PDE4D: variants seen among roughly 807,000 people sequenced by gnomAD.
PDE4D encodes the protein phosphodiesterase 4D.
PDE4D carries 24 observed loss-of-function variants against 87.4 expected under a neutral mutation model. The ratio of observed to expected loss-of-function variants is 0.27; its 90% CI spans 0.20 to 0.39. The LOEUF (loss-of-function observed/expected upper bound fraction) is 0.39. Among genes scored for constraint, PDE4D ranks in the 10% least tolerant of loss-of-function variants. PDE4D has a pLI of 1.00. For missense variants in PDE4D, 714 were observed against 1,041.0 expected, an observed-to-expected ratio of 0.69 and a Z score of 4.32; for synonymous variants, 384 against 383.2, an observed-to-expected ratio of 1.00 and a Z score of -0.02.
chr5:59,692,633 G>T (rs989686624), intron 1 of PDE4D, among the ~76,000 whole-genome samples: 1 of 152,094 alleles, frequency 6.6e-6, no homozygotes, highest in Admixed American at 6.6e-5. Flanking sequence ...ATGTTGTAGA[G>T]TATTGCTGAA....
intron 1 of PDE4D, among the ~76,000 whole-genome samples, chr5:59,701,398 G>A (rs1752542864): frequency 6.6e-6 from 1 of 152,102 alleles, no homozygotes; most frequent in African/African-American, 2.4e-5. Context: ...CCTGAGAAAA[G>A]GTTATTATTT....
chr5:59,162,703 C>T (rs1192652847), intron 5 of PDE4D, among the ~76,000 whole-genome samples: 1 of 150,170 alleles, frequency 6.7e-6, no homozygotes, highest in African/African-American at 2.5e-5. Context: ...AAAAATTAGC[C>T]AGGTATGGTG....
intron 1 of PDE4D, among the ~76,000 whole-genome samples, chr5:60,384,478 A>G (rs1448774133): frequency 6.6e-6 from 1 of 152,102 alleles, no homozygotes; most frequent in East Asian, 1.9e-4. Flanking sequence ...TCCAAATCCA[A>G]TGGGAGCCTG....
intron 2 of PDE4D, among the ~76,000 whole-genome samples, chr5:60,048,365 A>G (rs1351618771): frequency 2.0e-5 from 3 of 151,928 alleles, no homozygotes; most frequent in East Asian, 1.9e-4. Context: ...GTCCATTTAC[A>G]TTTAAAGTTA....
At chr5:60,104,275 G>T (rs1776587698) in intron 2 of PDE4D, among the ~76,000 whole-genome samples, 1 of 152,234 alleles carries the variant, frequency 6.6e-6, no homozygotes, top group Non-Finnish European at 1.5e-5. Flanking sequence ...AGCAGTCTGA[G>T]ATCAAACTGC....
chr5:60,177,447 A>G (rs1426750915), intron 2 of PDE4D, among the ~76,000 whole-genome samples: 2 of 152,202 alleles, frequency 1.3e-5, no homozygotes, highest in African/African-American at 2.4e-5. Context: ...TAAATAATTA[A>G]TTCTCTGAGG....
In PDE4D at chr5:60,291,785, G is replaced by A. The variant is rs866332158; in HGVS notation, c.-89-106098C>T. Among the ~76,000 whole-genome samples, 3 of 152,068 alleles carry A rather than the reference G, an allele frequency of 2.0e-5. No homozygotes were observed. The South Asian group carries it at 6.2e-4, about 32-fold the overall frequency. On this transcript the variant is annotated intron_variant, in intron 1 of 16. Coordinates refer to the PDE4D transcript ENST00000502484. The stretch of plus-strand genomic sequence containing the variant: ...AATTTCTTTTTGAAAAATAAATTGG[G>A]AAAAGCCTTTGACCTGGTAGTTTCA...
chr5:60,301,269 A>G (rs58170069), intron 1 of PDE4D, among the ~76,000 whole-genome samples: 1 of 152,202 alleles, frequency 6.6e-6, no homozygotes, highest in Admixed American at 6.5e-5. Context: ...TGGTAATTTA[A>G]TGGGAATAGC....
intron 1 of PDE4D, among the ~76,000 whole-genome samples, chr5:59,448,593 T>C (rs867296616): frequency 1.7e-4 from 26 of 152,346 alleles, no homozygotes; most frequent in Admixed American, 6.5e-4. Context: ...TGTATCAATA[T>C]GGAGAGTAAA....
chr5:59,654,299 C>T (rs1056102894), intron 1 of PDE4D, among the ~76,000 whole-genome samples: 6 of 152,136 alleles, frequency 3.9e-5, no homozygotes, highest in African/African-American at 1.4e-4. Flanking sequence ...TATCATCTAG[C>T]GTTTTTCAGT....
In PDE4D at chr5:59,054,569, T is replaced by C. The variant is rs911378043; in HGVS notation, c.809-15598A>G. On this transcript the variant is annotated intron_variant, in intron 5 of 14. Coordinates refer to ENST00000340635, the MANE Select transcript of PDE4D (RefSeq NM_001104631.2). ...TTTACAGTCTTTAACAAACCATGCA[T>C]TTCAGTATAAATTAAACCAATAAAA... is the stretch of plus-strand genomic sequence containing the variant. Among the ~76,000 whole-genome samples the C allele has an allele frequency of 4.0e-5, 6 of 151,878 alleles. No homozygotes were observed. In the South Asian group the frequency reaches 1.2e-3, roughly 32 times the overall value.
chr5:59,747,163 TA>T (rs1759731210), intron 1 of PDE4D, among the ~76,000 whole-genome samples: 1 of 152,130 alleles, frequency 6.6e-6, no homozygotes, highest in African/African-American at 2.4e-5. Flanking sequence ...TAACCACTGT[TA>T]AGCGTCTCTC....
intron 1 of PDE4D, among the ~76,000 whole-genome samples, chr5:60,479,811 A>G (rs1748592403): frequency 1.3e-5 from 2 of 152,182 alleles, no homozygotes; most frequent in South Asian, 4.1e-4. Flanking sequence ...GCTCTAAAAC[A>G]TAACCCTCAC....
intron 1 of PDE4D, among the ~76,000 whole-genome samples, chr5:59,630,251 T>C (rs753034341): frequency 4.6e-5 from 7 of 152,218 alleles, no homozygotes; most frequent in Non-Finnish European, 1.0e-4. Flanking sequence ...AGCATTGTGA[T>C]GTAAAGTCTA....
intron 2 of PDE4D, among the ~76,000 whole-genome samples, chr5:60,107,073 G>GA (rs1267447764): frequency 6.6e-6 from 1 of 151,170 alleles, no homozygotes; most frequent in Non-Finnish European, 1.5e-5. Context: ...CCAGGAGCTG[G>GA]TTTTTTGAAA....
chr5:59,686,102 T>C (rs190691345), intron 1 of PDE4D, among the ~76,000 whole-genome samples: 1 of 152,274 alleles, frequency 6.6e-6, no homozygotes, highest in African/African-American at 2.4e-5. Flanking sequence ...CAGATGGTGG[T>C]GTCTCTCACT....
intron 1 of PDE4D, among the ~76,000 whole-genome samples, chr5:60,427,626 C>T (rs1189273259): frequency 1.3e-5 from 2 of 152,186 alleles, no homozygotes; most frequent in African/African-American, 2.4e-5. Flanking sequence ...AAAAAGAGCA[C>T]TGGAAATGTT....
At chr5:59,864,298 C>G (rs541848119) in intron 1 of PDE4D, among the ~76,000 whole-genome samples, 10 of 152,290 alleles carry the variant, frequency 6.6e-5, no homozygotes, top group Middle Eastern at 3.4e-3. Flanking sequence ...AATACCCACA[C>G]AAGTTCAAAA....
At chr5:59,673,357 G>A (rs1391282423) in intron 1 of PDE4D, among the ~76,000 whole-genome samples, 1 of 152,082 alleles carries the variant, frequency 6.6e-6, no homozygotes, top group Non-Finnish European at 1.5e-5. Context: ...CTTGTTACTA[G>A]TATGTTTTTG....
Sources: allele counts gnomAD v4.1 joint callset (sites outside exome capture counted in the v4.1 genomes callset), GRCh38; gene constraint gnomAD v4.1.1; transcripts MANE v1.5; gene names NCBI Gene and HGNC (gene_info 2026-07-23, HGNC 2026-07-21).